TTC7B: variants seen among roughly 807,000 people sequenced by gnomAD.
The protein encoded by TTC7B is tetratricopeptide repeat protein 7B.
In TTC7B, 28 loss-of-function variants were observed where a neutral mutation model predicts 106.8. That is an observed-to-expected ratio of 0.26 (90% CI 0.19 to 0.36). The LOEUF is 0.36. Among genes scored for constraint, TTC7B ranks in the 10% least tolerant of loss-of-function variants. TTC7B has a pLI of 1.00. For synonymous variants in TTC7B, 405 were observed against 430.6 expected (o/e 0.94, Z 0.74); for missense variants, 862 against 1,076.4 (o/e 0.80, Z 2.79).
chr14:90,715,168 C>T (rs890727080), intron 5 of TTC7B, among the ~76,000 whole-genome samples: 26 of 152,180 alleles, frequency 1.7e-4, no homozygotes, highest in African/African-American at 5.3e-4. Context: ...CAGACCCATC[C>T]GATGCCCTGT....
At chr14:90,630,102 C>T (rs1316708012) in intron 15 of TTC7B, among the ~76,000 whole-genome samples, 2 of 152,180 alleles carry the variant, frequency 1.3e-5, no homozygotes, top group African/African-American at 2.4e-5. Context: ...CATAAACAAA[C>T]GTGGCTTCAA....
intron 12 of TTC7B, among the ~76,000 whole-genome samples, chr14:90,653,895 G>T (rs1327281128): frequency 6.6e-6 from 1 of 152,198 alleles, no homozygotes; most frequent in Non-Finnish European, 1.5e-5. Context: ...ATTTACATGG[G>T]TTAATATGTG....
intron 4 of TTC7B, among the ~76,000 whole-genome samples, chr14:90,737,561 T>G (rs1007321030): frequency 1.7e-4 from 24 of 142,908 alleles, no homozygotes; most frequent in Non-Finnish European, 2.5e-4. Context: ...TTTTTTTTTT[T>G]TTTTTTTTTT....
chr14:90,724,637 G>T (rs1445646664), intron 5 of TTC7B, among the ~76,000 whole-genome samples: 3 of 152,176 alleles, frequency 2.0e-5, no homozygotes, highest in African/African-American at 7.2e-5. Context: ...CTTCCATCAT[G>T]ATTGCAAATT....
At chr14:90,736,390 G>A (rs150177444) in intron 4 of TTC7B, among the ~76,000 whole-genome samples, 7,225 of 152,054 alleles carry the variant, frequency 0.048, 204 homozygotes, top group Non-Finnish European at 0.061. Flanking sequence ...GGCCAACATG[G>A]TGAAACTCCG....
At chr14:90,678,384 G>A (rs1287720703) in intron 8 of TTC7B, among the ~76,000 whole-genome samples, 1 of 152,136 alleles carries the variant, frequency 6.6e-6, no homozygotes, top group Non-Finnish European at 1.5e-5. Context: ...TACCAACAAA[G>A]AACACAATTT....
chr14:90,786,408 C>T lies in TTC7B; in HGVS notation c.122-80G>A, dbSNP rs916827421. The T allele has an allele frequency of 9.6e-6, 15 of 1,556,436 alleles. No homozygotes were observed. The East Asian group carries it at 3.4e-4, about 35-fold the overall frequency. ...CCCCCTCACTCAAGGGACCCCAGAA[C>T]CACCACCCTCCGAGGCTCCAGGCCC... On this transcript the variant is annotated intron_variant, in intron 1 of 19. Coordinates refer to ENST00000328459, the MANE Select transcript of TTC7B (RefSeq NM_001010854.2).
chr14:90,545,713 A>G (rs1345504150), intron 19 of TTC7B, among the ~76,000 whole-genome samples: 1 of 152,176 alleles, frequency 6.6e-6, no homozygotes, highest in African/African-American at 2.4e-5. Context: ...GTGGCAGGCC[A>G]CTAAATCTGG....
At chr14:90,719,588 C>A (rs886414614) in intron 5 of TTC7B, among the ~76,000 whole-genome samples, 8 of 152,182 alleles carry the variant, frequency 5.3e-5, no homozygotes, top group African/African-American at 1.9e-4. Flanking sequence ...GTCTCATTCC[C>A]TAGCACCTGA....
chr14:90,597,668 A>C (rs1892262519), intron 17 of TTC7B, among the ~76,000 whole-genome samples: 1 of 151,948 alleles, frequency 6.6e-6, no homozygotes, highest in South Asian at 2.1e-4. Context: ...AAAAAAAAAA[A>C]CAAAACAACA....
rs1200502560 is a variant in TTC7B at position 90,570,093 on chromosome 14, G to A, written c.2310+8013C>T. 2 of 152,260 alleles carry A rather than the reference G, an allele frequency of 1.3e-5. No homozygotes were observed. The highest frequency in any genetic ancestry group is 4.8e-5 in the African/African-American group (2 of 41,458). 9.4% of individuals were successfully genotyped at this position (152,260 alleles called of 1,614,324 possible). A position where few individuals can be genotyped will look rare whatever the true frequency, so the allele number is the denominator to read the frequency against. On this transcript the variant is annotated intron_variant, in intron 19 of 19. Coordinates refer to ENST00000328459, the MANE Select transcript of TTC7B (RefSeq NM_001010854.2). This position sits in a 1 kb window ranked among gnomAD's most constrained non-coding sequence, Gnocchi z 4.0. ...CAGCCTTTTCCCATGTTCAGGCCCG[G>A]AGTCAACACTGCAGATCAGCCTGGG... is the stretch of plus-strand genomic sequence containing the variant.
intron 19 of TTC7B, among the ~76,000 whole-genome samples, chr14:90,557,198 A>C (rs1890351307): frequency 6.6e-6 from 1 of 151,994 alleles, no homozygotes; most frequent in Admixed American, 6.5e-5. Flanking sequence ...GCCTCACTGT[A>C]CTCAGGGCTG....
chr14:90,669,355 A>G (rs1324144873), intron 9 of TTC7B, among the ~76,000 whole-genome samples: 1 of 152,204 alleles, frequency 6.6e-6, no homozygotes, highest in East Asian at 1.9e-4. Flanking sequence ...TAAAAAATAG[A>G]TACACTGGAC....
intron 2 of TTC7B, among the ~76,000 whole-genome samples, chr14:90,783,606 T>C (rs1350742575): frequency 2.0e-5 from 3 of 152,158 alleles, no homozygotes; most frequent in Non-Finnish European, 4.4e-5. Context: ...AGCTTATAAA[T>C]CCAGAACTGG....
At chr14:90,779,593 C>T (rs1018073906) in intron 3 of TTC7B, among the ~76,000 whole-genome samples, 2 of 152,186 alleles carry the variant, frequency 1.3e-5, no homozygotes, top group Admixed American at 6.5e-5. Flanking sequence ...CGTGAGCTAC[C>T]GCACCTGGTC....
intron 19 of TTC7B, among the ~76,000 whole-genome samples, chr14:90,564,526 C>T (rs1890710444): frequency 6.6e-6 from 1 of 152,192 alleles, no homozygotes; most frequent in South Asian, 2.1e-4. Context: ...TCCATTGAAG[C>T]TTTGTAGCCA....
At chr14:90,714,059 C>G (rs1451844167) in intron 5 of TTC7B, among the ~76,000 whole-genome samples, 1 of 152,062 alleles carries the variant, frequency 6.6e-6, no homozygotes, top group Non-Finnish European at 1.5e-5. Flanking sequence ...GAAACTTTGT[C>G]TCTATTAAAA....
Position 90,530,158 on chromosome 14 carries a change from C to T in TTC7B, c.*11210G>A, listed in dbSNP as rs1889249049. On this transcript the variant is annotated 3_prime_UTR_variant, in exon 20 of 20. Transcript: ENST00000328459. ...TGGCACGTGCCTGTAATCCTAGCTA[C>T]TCGGGAGGCTGGGGCAGGAGAATCA... 6.6e-6 allele frequency: 1 copy of T among 152,188 alleles called. No homozygotes were observed. Among genetic ancestry groups the T allele is most frequent in the Non-Finnish European group, 1.5e-5 (1 of 68,072 alleles). The allele number at this position is 152,188 out of a possible 1,614,324, so 9.4% of individuals were successfully genotyped here.
chr14:90,687,515 G>A (rs1887292844), intron 7 of TTC7B, among the ~76,000 whole-genome samples: 1 of 152,156 alleles, frequency 6.6e-6, no homozygotes, highest in African/African-American at 2.4e-5. Flanking sequence ...AGTGGACTGG[G>A]GGAAGAGGGT....
Sources: gnomAD v4.1 joint callset for allele counts (sites outside exome capture counted in the v4.1 genomes callset) on GRCh38, gnomAD v4.1.1 for gene constraint, Gnocchi (gnomAD v3.1) non-coding constraint, MANE v1.5 for transcripts, NCBI Gene and HGNC (gene_info 2026-07-23, HGNC 2026-07-21) for gene names.